The following DDAH1 variants were observed in gnomAD, a reference collection of about 807,000 sequenced individuals.
DDAH1 encodes the protein N(G),N(G)-dimethylarginine dimethylaminohydrolase 1.
Under a neutral mutation model 28.8 loss-of-function variants are expected in DDAH1, and 19 were observed. That is an observed-to-expected ratio of 0.66 (90% confidence interval 0.46 to 0.97). The LOEUF (loss-of-function observed/expected upper bound fraction) is 0.97. Ranked by LOEUF, DDAH1 falls within the 50% of genes least tolerant of loss-of-function variation. DDAH1 has a pLI of 0.00. For synonymous variants in DDAH1, 153 were observed against 154.4 expected, an observed-to-expected ratio of 0.99 and a Z score of 0.07; for missense variants, 326 against 375.9, an observed-to-expected ratio of 0.87 and a Z score of 1.10.
chr1:85,490,223 T>C (rs1373219281), intron 2 of DDAH1, among the ~76,000 whole-genome samples: 1 of 152,094 alleles, frequency 6.6e-6, no homozygotes, highest in Non-Finnish European at 1.5e-5. Flanking sequence ...ATAGGAACAA[T>C]TTGAGGTAAA....
intron 1 of DDAH1, among the ~76,000 whole-genome samples, chr1:85,422,831 G>C (rs1353934193): frequency 6.6e-6 from 1 of 152,162 alleles, no homozygotes; most frequent in Non-Finnish European, 1.5e-5. Flanking sequence ...CGGCTTGCTT[G>C]TTCTCCCTGT....
intron 1 of DDAH1, among the ~76,000 whole-genome samples, chr1:85,405,942 G>A (rs967677980): frequency 1.3e-5 from 2 of 152,230 alleles, no homozygotes; most frequent in South Asian, 2.1e-4. Context: ...AGGTTTGGTT[G>A]TATTTAAGAG....
intron 1 of DDAH1, among the ~76,000 whole-genome samples, chr1:85,450,201 T>G (rs778081301): frequency 7.2e-5 from 11 of 152,340 alleles, no homozygotes; most frequent in Non-Finnish European, 1.5e-4. Flanking sequence ...CCAATTAAAC[T>G]ACAGGCTCCA....
At chr1:85,530,251 A>ATAT (rs1658046595) in intron 1 of DDAH1, among the ~76,000 whole-genome samples, 1 of 152,218 alleles carries the variant, frequency 6.6e-6, no homozygotes. Flanking sequence ...TGGAGGTACA[A>ATAT]ACTGGGAGAA....
chr1:85,412,335 C>G (rs113705712), intron 1 of DDAH1, among the ~76,000 whole-genome samples: 1 of 152,184 alleles, frequency 6.6e-6, no homozygotes. Context: ...TGAATTTCAT[C>G]TTTCAGGGTC....
At chr1:85,526,381 C>A (rs2100768468) in intron 1 of DDAH1, among the ~76,000 whole-genome samples, 1 of 152,294 alleles carries the variant, frequency 6.6e-6, no homozygotes, top group Middle Eastern at 3.4e-3. Flanking sequence ...CTTTGGCAGT[C>A]AGTCACATGC....
chr1:85,487,443 G>C (rs1656241843), intron 2 of DDAH1, among the ~76,000 whole-genome samples: 1 of 152,198 alleles, frequency 6.6e-6, no homozygotes, highest in African/African-American at 2.4e-5. Flanking sequence ...TGTTCAAATT[G>C]TGCCTGCATC....
chr1:85,539,906 G>A (rs1260387352), intron 1 of DDAH1, among the ~76,000 whole-genome samples: 1 of 150,644 alleles, frequency 6.6e-6, no homozygotes, highest in Non-Finnish European at 1.5e-5. Context: ...AGCCCACTAT[G>A]TGACCAGTGC....
chr1:85,550,575 G>A (rs982172238), intron 1 of DDAH1, among the ~76,000 whole-genome samples: 1 of 152,202 alleles, frequency 6.6e-6, no homozygotes, highest in Non-Finnish European at 1.5e-5. Context: ...TTTCATAAAT[G>A]TGTCTCCTTA....
chr1:85,458,288 A>C (rs1319989712), intron 1 of DDAH1, among the ~76,000 whole-genome samples: 2 of 152,132 alleles, frequency 1.3e-5, no homozygotes, highest in African/African-American at 4.8e-5. Context: ...TTAGCAACAA[A>C]AGTCTAAAGT....
chr1:85,320,132 C>G lies in DDAH1; in HGVS notation c.*1320G>C, dbSNP rs565053835. Reference sequence around the variant, plus strand: ...TCCCCTGCCTGTTAATAGGCTGATTCCTGCAGGTTTGAGTAAAGGAATCAT... The same window carrying G: ...TCCCCTGCCTGTTAATAGGCTGATTGCTGCAGGTTTGAGTAAAGGAATCAT... On this transcript the variant is annotated 3_prime_UTR_variant, in exon 6 of 6. Transcript: ENST00000284031. 2.0e-5 allele frequency: 3 copies of G among 152,448 alleles called. No homozygotes were observed. The East Asian group carries it at 5.8e-4, about 29-fold the overall frequency. 9.4% of individuals were successfully genotyped at this position (152,448 alleles called of 1,614,324 possible).
intron 1 of DDAH1, among the ~76,000 whole-genome samples, chr1:85,515,746 A>C (rs1408339738): frequency 6.6e-6 from 1 of 152,156 alleles, no homozygotes; most frequent in Non-Finnish European, 1.5e-5. Flanking sequence ...GGAAAGAAAA[A>C]CAAATTTAAA....
chr1:85,393,435 G>T (rs962981662), intron 1 of DDAH1, among the ~76,000 whole-genome samples: 1 of 152,204 alleles, frequency 6.6e-6, no homozygotes, highest in African/African-American at 2.4e-5. Context: ...CCTGAAGACA[G>T]TGATCCAATT....
At chr1:85,423,455 CTTATT>C (rs1158811042) in intron 1 of DDAH1, among the ~76,000 whole-genome samples, 1 of 152,136 alleles carries the variant, frequency 6.6e-6, no homozygotes, top group Non-Finnish European at 1.5e-5. Context: ...AGATCTTGTA[CTTATT>C]TTGTCAGATT....
intron 1 of DDAH1, among the ~76,000 whole-genome samples, chr1:85,561,611 A>G (rs543986861): frequency 1.3e-5 from 2 of 152,280 alleles, no homozygotes; most frequent in Admixed American, 1.3e-4. Context: ...TGTGTTAAGT[A>G]CCAAGATAGT....
chr1:85,547,548 T>G (rs1248323440), intron 1 of DDAH1, among the ~76,000 whole-genome samples: 1 of 152,206 alleles, frequency 6.6e-6, no homozygotes, highest in Non-Finnish European at 1.5e-5. Context: ...ATCAAGCACA[T>G]TTTCAACCAG....
intron 1 of DDAH1, among the ~76,000 whole-genome samples, chr1:85,546,451 C>T (rs1038432112): frequency 6.6e-6 from 1 of 152,126 alleles, no homozygotes; most frequent in Non-Finnish European, 1.5e-5. Context: ...AATTCCCCAG[C>T]TTGTGGTGGT....
At chr1:85,335,253 A>G (rs1365959778) in intron 4 of DDAH1, among the ~76,000 whole-genome samples, 2 of 152,348 alleles carry the variant, frequency 1.3e-5, no homozygotes, top group East Asian at 1.9e-4. Context: ...AATAACAGGA[A>G]TAAGTCCTCA....
chr1:85,447,595 A>C (rs879811070), intron 1 of DDAH1, among the ~76,000 whole-genome samples: 35 of 152,168 alleles, frequency 2.3e-4, no homozygotes, highest in Non-Finnish European at 1.2e-4. Flanking sequence ...TTGCAACCTA[A>C]AGGAATCTGA....
Sources: allele counts gnomAD v4.1 joint callset (sites outside exome capture counted in the v4.1 genomes callset), GRCh38; gene constraint gnomAD v4.1.1; transcripts MANE v1.5; gene names NCBI Gene and HGNC (gene_info 2026-07-23, HGNC 2026-07-21).